The following H2BC18 variants were observed in gnomAD, a reference collection of about 807,000 sequenced individuals.
H2BC18 encodes the protein H2B clustered histone 18.
Under a neutral mutation model 6.3 loss-of-function variants are expected in H2BC18, and 8 were observed. The ratio of observed to expected loss-of-function variants is 1.28; its 90% CI spans 0.75 to 2.31. H2BC18 has a LOEUF of 2.31. H2BC18 is among the 30% of genes most tolerant of loss of function. The pLI is 0.00. For missense variants in H2BC18, 106 were observed against 174.5 expected (o/e 0.61, Z 2.21); for synonymous variants, 104 against 78.1 (o/e 1.33, Z -1.75).
At chr1:149,803,762 T>C (rs1235249109) in intron 1 of H2BC18, 2 of 152,364 alleles carry the variant, frequency 1.3e-5, no homozygotes, top group East Asian at 1.9e-4. Context: ...TGTCTCTTTT[T>C]AGTAGGACCA....
chr1:149,791,522 G>T lies in H2BC18; in HGVS notation c.378-8262C>A, dbSNP rs782397671. 8.3e-5 allele frequency: 134 copies of T among 1,610,344 alleles called. 1 individual carries two copies. Among genetic ancestry groups the T allele is most frequent in the Non-Finnish European group, 7.8e-5 (92 of 1,179,562 alleles). On this transcript the variant is annotated intron_variant, in intron 1 of 1. Transcript: ENST00000545683. ...GAGCCCCAGGGGGCCACGTAGCAGCGGCTCAGTGGGTGGCCATCGATCTGG... is the reference window on the plus strand; with the variant it reads ...GAGCCCCAGGGGGCCACGTAGCAGCTGCTCAGTGGGTGGCCATCGATCTGG...
intron 1 of H2BC18, among the ~76,000 whole-genome samples, chr1:149,802,996 A>T (rs1230866726): frequency 6.6e-6 from 1 of 152,150 alleles, no homozygotes; most frequent in Non-Finnish European, 1.5e-5. Context: ...TCAAATGTTA[A>T]TCTCCTCTGG....
chr1:149,787,150 T>G (rs868955153), intron 1 of H2BC18: 41 of 152,256 alleles, frequency 2.7e-4, no homozygotes, highest in African/African-American at 9.1e-4. Context: ...TGGCTGTGGG[T>G]GGGAATAAGG....
rs183784240 is a variant in H2BC18 at position 149,792,671 on chromosome 1, C to A, written c.378-9411G>T. 2,081 of 1,278,746 alleles carry A rather than the reference C, an allele frequency of 1.6e-3. 179 individuals carry two copies. The African/African-American group carries it at 0.03, about 18-fold the overall frequency. The allele number at this position is 1,278,746 out of a possible 1,614,324, so 79.2% of individuals were successfully genotyped here. ...CGCCTGTATCTGGGGGCCGCAGCCG[C>A]CAGCGCCCGGGGACCCAGCTGCGGC... On this transcript the variant is annotated intron_variant, in intron 1 of 1. Coordinates refer to the H2BC18 transcript ENST00000545683.
At chr1:149,782,736 G>A in exon 2 of H2BC18, 1 of 1,597,252 alleles carries the variant, frequency 6.3e-7, no homozygotes, top group South Asian at 1.1e-5. Flanking sequence ...CACCAGCTTG[G>A]AGACAACATG....
At chr1:149,796,459 T>C (rs2091801511) in intron 1 of H2BC18, among the ~76,000 whole-genome samples, 1 of 152,194 alleles carries the variant, frequency 6.6e-6, no homozygotes, top group Non-Finnish European at 1.5e-5. Context: ...AGCCTGGCTG[T>C]GACTTCAAGG....
intron 1 of H2BC18, chr1:149,787,232 A>G: frequency 6.6e-6 from 1 of 152,246 alleles, no homozygotes; most frequent in Non-Finnish European, 1.5e-5. Context: ...TGCTATGTAT[A>G]GCATAGAAAC....
chr1:149,800,962 T>C (rs2091862658), intron 1 of H2BC18, among the ~76,000 whole-genome samples: 1 of 152,194 alleles, frequency 6.6e-6, no homozygotes, highest in Admixed American at 6.5e-5. Context: ...GGTACATGCC[T>C]GTGGTCCCAA....
At chr1:149,793,825 G>C (rs2091768036) in intron 1 of H2BC18, 1 of 1,209,904 alleles carries the variant, frequency 8.3e-7, no homozygotes, top group Non-Finnish European at 1.1e-6. Context: ...ACACTCAGAG[G>C]TTCCTAGCCT....
At chr1:149,793,001 C>T (rs1238794649) in intron 1 of H2BC18, 8 of 1,273,494 alleles carry the variant, frequency 6.3e-6, no homozygotes, top group Non-Finnish European at 8.1e-6. Flanking sequence ...AGGCGCGTAG[C>T]TGAGTCCCTC....
chr1:149,810,609 C>G (rs587676437), downstream of H2BC18: 1 of 152,090 alleles, frequency 6.6e-6, no homozygotes, highest in Admixed American at 6.5e-5. Context: ...GAAACATCCA[C>G]TGGCTTTTGT....
intron 1 of H2BC18, among the ~76,000 whole-genome samples, chr1:149,785,411 T>C (rs1200972368): frequency 0.013 from 1,619 of 127,230 alleles, 102 homozygotes; most frequent in African/African-American, 0.044. Flanking sequence ...CTGTTTCGTT[T>C]TTTTTTTTTT....
chr1:149,793,904 C>T (rs2091769260), intron 1 of H2BC18: 41 of 1,286,354 alleles, frequency 3.2e-5, no homozygotes, highest in Admixed American at 2.1e-4. Context: ...CATTCTGGAT[C>T]TTTCCTAGCT....
intron 1 of H2BC18, among the ~76,000 whole-genome samples, chr1:149,800,652 C>A (rs2091857809): frequency 7.0e-6 from 1 of 143,366 alleles, no homozygotes; most frequent in Admixed American, 7.1e-5. Flanking sequence ...CTTTATCTAT[C>A]CTGTTCTGGA....
downstream of H2BC18, among the ~76,000 whole-genome samples, chr1:149,808,138 G>C (rs2091940158): frequency 6.6e-6 from 1 of 152,152 alleles, no homozygotes; most frequent in African/African-American, 2.4e-5. Context: ...AAAATGGAAT[G>C]AGAATTCCAT....
intron 1 of H2BC18, chr1:149,793,347 G>A (rs1185577804): frequency 8.7e-7 from 1 of 1,144,916 alleles, no homozygotes; most frequent in African/African-American, 1.7e-5. Context: ...AGCAGGAAGG[G>A]AGCTGGCTCG....
chr1:149,811,921 C>A lies in H2BC18; in HGVS notation c.*22G>T, dbSNP rs1443275862. On this transcript the variant is annotated 3_prime_UTR_variant, in exon 1 of 1. Coordinates refer to ENST00000369167, the MANE Select transcript of H2BC18 (RefSeq NM_001024599.5). Reference sequence around the variant, plus strand: ...GAGCCTTTGGGGTTAGGTGGTTGATCTATTGCGTCCCTTGCACACTCTTAC... The same window carrying A: ...GAGCCTTTGGGGTTAGGTGGTTGATATATTGCGTCCCTTGCACACTCTTAC... 8 of 1,596,008 alleles carry A rather than the reference C, an allele frequency of 5.0e-6. No homozygotes were observed. The East Asian group carries it at 1.8e-4, about 36-fold the overall frequency.
At chr1:149,787,618 A>G (rs1398578863) in intron 1 of H2BC18, 1 of 152,236 alleles carries the variant, frequency 6.6e-6, no homozygotes, top group Non-Finnish European at 1.5e-5. Flanking sequence ...TAGCAACAAC[A>G]TACATTTAAG....
intron 1 of H2BC18, chr1:149,793,290 C>T: frequency 8.3e-7 from 1 of 1,199,168 alleles, no homozygotes; most frequent in Non-Finnish European, 1.1e-6. Flanking sequence ...CCGCCCGCCT[C>T]CCCGTCCAGC....
Sources: gnomAD v4.1 joint callset for allele counts (sites outside exome capture counted in the v4.1 genomes callset) on GRCh38, gnomAD v4.1.1 for gene constraint, MANE v1.5 for transcripts, NCBI Gene and HGNC (gene_info 2026-07-23, HGNC 2026-07-21) for gene names.